The following FHIT variants were observed in gnomAD, a reference collection of about 807,000 sequenced individuals.
The protein encoded by FHIT is bis(5'-adenosyl)-triphosphatase.
In FHIT, 19 loss-of-function variants were observed where a neutral mutation model predicts 17.9. The observed-to-expected ratio is 1.06, with a 90% confidence interval of 0.74 to 1.56. FHIT has a LOEUF of 1.56. FHIT is among the 40% of genes most tolerant of loss of function. The probability of loss-of-function intolerance (pLI) is 0.00; values close to 1 mark genes in which losing one functional copy is unlikely to be tolerated. For missense variants in FHIT, 248 were observed against 189.2 expected, an observed-to-expected ratio of 1.31 and a Z score of -1.82; for synonymous variants, 81 against 69.7, an observed-to-expected ratio of 1.16 and a Z score of -0.81.
intron 5 of FHIT, among the ~76,000 whole-genome samples, chr3:60,182,572 T>C (rs1701983192): frequency 6.6e-6 from 1 of 151,284 alleles, no homozygotes; most frequent in South Asian, 2.1e-4. Context: ...AGCCCCAGAG[T>C]TTTGAGACCA....
intron 3 of FHIT, among the ~76,000 whole-genome samples, chr3:60,862,825 T>C (rs66466162): frequency 0.2 from 29,916 of 150,100 alleles, 3,201 homozygotes; most frequent in Middle Eastern, 0.26. Flanking sequence ...GCACTCCAGC[T>C]TGGGCGACAG....
intron 5 of FHIT, among the ~76,000 whole-genome samples, chr3:60,047,485 C>T (rs1701700335): frequency 6.6e-6 from 1 of 152,144 alleles, no homozygotes; most frequent in Non-Finnish European, 1.5e-5. Flanking sequence ...TAGAAGGAGC[C>T]ATTGAAAACA....
chr3:60,441,987 T>C (rs184702477), intron 5 of FHIT, among the ~76,000 whole-genome samples: 41 of 150,620 alleles, frequency 2.7e-4, no homozygotes, highest in Non-Finnish European at 4.1e-4. Context: ...GTCTTTCATA[T>C]ACCTGGGACT....
chr3:60,903,366 TA>T (rs1217362609), intron 3 of FHIT, among the ~76,000 whole-genome samples: 1 of 152,230 alleles, frequency 6.6e-6, no homozygotes, highest in African/African-American at 2.4e-5. Flanking sequence ...TAAATATCAC[TA>T]AAGTAACTTT....
At chr3:60,508,933 G>A (rs901381757) in intron 5 of FHIT, among the ~76,000 whole-genome samples, 1 of 152,030 alleles carries the variant, frequency 6.6e-6, no homozygotes, top group East Asian at 1.9e-4. Flanking sequence ...AAAGACGAAC[G>A]TGATAGTATA....
chr3:59,764,198 C>T (rs1022487026), intron 8 of FHIT, among the ~76,000 whole-genome samples: 3 of 152,092 alleles, frequency 2.0e-5, no homozygotes, highest in African/African-American at 7.2e-5. Context: ...AAGCTATTTG[C>T]ACATGTGGTG....
At chr3:60,441,560 G>C (rs1286452799) in intron 5 of FHIT, among the ~76,000 whole-genome samples, 1 of 150,638 alleles carries the variant, frequency 6.6e-6, no homozygotes, top group Non-Finnish European at 1.5e-5. Flanking sequence ...TTAACACATA[G>C]AGAACTCAAG....
intron 5 of FHIT, among the ~76,000 whole-genome samples, chr3:60,419,904 A>C (rs9810520): frequency 0.15 from 23,568 of 152,072 alleles, 2,508 homozygotes; most frequent in Admixed American, 0.26. Context: ...AATTCATGTC[A>C]ATTTTAGAAA....
chr3:59,888,092 G>A (rs1703702443), intron 8 of FHIT, among the ~76,000 whole-genome samples: 1 of 152,150 alleles, frequency 6.6e-6, no homozygotes, highest in African/African-American at 2.4e-5. Flanking sequence ...TGTTCCCTGA[G>A]GATTTCAAGG....
intron 5 of FHIT, among the ~76,000 whole-genome samples, chr3:60,501,476 T>G (rs1336306397): frequency 1.3e-5 from 2 of 152,220 alleles, no homozygotes; most frequent in Non-Finnish European, 2.9e-5. Context: ...CGATGCATAT[T>G]ATTTCTCCAA....
intron 4 of FHIT, among the ~76,000 whole-genome samples, chr3:60,664,409 C>T (rs1391049360): frequency 3.3e-5 from 5 of 151,954 alleles, no homozygotes; most frequent in African/African-American, 1.2e-4. Context: ...TTACAAAAGA[C>T]ATTGAACTAT....
At chr3:60,765,544 A>G (rs1481674053) in intron 4 of FHIT, 1 of 152,258 alleles carries the variant, frequency 6.6e-6, no homozygotes, top group Non-Finnish European at 1.5e-5. Flanking sequence ...CTGGGGCTCC[A>G]TGTGATCCAG....
At chr3:60,549,348 T>C (rs1481754978) in intron 4 of FHIT, among the ~76,000 whole-genome samples, 1 of 152,172 alleles carries the variant, frequency 6.6e-6, no homozygotes, top group African/African-American at 2.4e-5. Context: ...TACTCGGTAC[T>C]TTCATCTTTC....
rs531843029 is a variant in FHIT at position 60,573,712 on chromosome 3, G to A, written c.-17-36733C>T. ...GGTGAGAGTGATGAGTCAAATGACT[G>A]TCATCATTTGGATTCTGACATTTCT... On this transcript the variant is annotated intron_variant, in intron 4 of 9. Coordinates refer to ENST00000492590, the MANE Select transcript of FHIT (RefSeq NM_002012.4). Among the ~76,000 whole-genome samples the A allele has an allele frequency of 1.4e-3, 207 of 152,282 alleles. 1 individual carries two copies. Among genetic ancestry groups the A allele is most frequent in the Middle Eastern group, 0.01 (3 of 294 alleles).
intron 4 of FHIT, among the ~76,000 whole-genome samples, chr3:60,686,875 CT>C (rs1254384649): frequency 5.9e-5 from 9 of 152,304 alleles, no homozygotes; most frequent in African/African-American, 2.2e-4. Flanking sequence ...GAAATTTAAC[CT>C]ATACTACTTC....
At chr3:60,187,315 C>T (rs1702198717) in intron 5 of FHIT, among the ~76,000 whole-genome samples, 1 of 152,136 alleles carries the variant, frequency 6.6e-6, no homozygotes. Context: ...AATGAAGTTA[C>T]CACACGTAAT....
chr3:60,277,897 C>CA (rs1313731534), intron 5 of FHIT, among the ~76,000 whole-genome samples: 4 of 152,054 alleles, frequency 2.6e-5, no homozygotes, highest in African/African-American at 9.7e-5. Context: ...CTGCAATTTG[C>CA]AACAAGAAAA....
Position 60,456,924 on chromosome 3 carries a change from TAA to T in FHIT, c.103+79934_103+79935del, listed in dbSNP as rs554959186. ...AACTACAAACCACTGCTCAATGAAA[TAA>T]AAGAGGATACAAACAAATGGAAGAA... On this transcript the variant is annotated intron_variant, in intron 5 of 9. Coordinates refer to ENST00000492590, the MANE Select transcript of FHIT (RefSeq NM_002012.4). Among the ~76,000 whole-genome samples, 66 of 152,120 alleles carry T rather than the reference TAA, an allele frequency of 4.3e-4. No individual in the cohort carries two copies. In the Middle Eastern group the frequency reaches 0.01, roughly 24 times the overall value.
At chr3:60,226,593 T>G (rs1704216564) in intron 5 of FHIT, among the ~76,000 whole-genome samples, 1 of 151,954 alleles carries the variant, frequency 6.6e-6, no homozygotes, top group Admixed American at 6.6e-5. Flanking sequence ...ATTAAAGCAC[T>G]TTGGAAAAAT....
Sources: gnomAD v4.1 joint callset for allele counts (sites outside exome capture counted in the v4.1 genomes callset) on GRCh38, gnomAD v4.1.1 for gene constraint, MANE v1.5 for transcripts, NCBI Gene and HGNC (gene_info 2026-07-23, HGNC 2026-07-21) for gene names.